The following ADGRL2 variants were observed in gnomAD, a reference collection of about 807,000 sequenced individuals.
ADGRL2 encodes the protein calcium-independent alpha-latrotoxin receptor 2.
ADGRL2 carries 44 observed loss-of-function variants against 157.4 expected under a neutral mutation model. The observed-to-expected ratio is 0.28, with a 90% CI of 0.22 to 0.36. ADGRL2 has a LOEUF of 0.36. Ranked by LOEUF, ADGRL2 falls within the 10% of genes least tolerant of loss-of-function variation. ADGRL2 has a pLI of 1.00. For missense variants in ADGRL2, 1,510 were observed against 1,768.9 expected, an observed-to-expected ratio of 0.85 and a Z score of 2.63; for synonymous variants, 585 against 624.7, an observed-to-expected ratio of 0.94 and a Z score of 0.95.
intron 1 of ADGRL2, among the ~76,000 whole-genome samples, chr1:81,318,129 C>T (rs1246609698): frequency 2.0e-5 from 3 of 152,144 alleles, no homozygotes; most frequent in African/African-American, 7.2e-5. Flanking sequence ...AATAAAATCA[C>T]TGTCATTTCT....
chr1:81,828,057 C>T (rs767061759), intron 1 of ADGRL2, among the ~76,000 whole-genome samples: 2 of 152,136 alleles, frequency 1.3e-5, no homozygotes, highest in African/African-American at 2.4e-5. Flanking sequence ...TTATCTTGGT[C>T]TTAGGATTGT....
intron 2 of ADGRL2, among the ~76,000 whole-genome samples, chr1:81,785,599 G>A (rs753675594): frequency 4.5e-4 from 68 of 151,878 alleles, no homozygotes; most frequent in African/African-American, 1.2e-4. Flanking sequence ...ATGATGGTGC[G>A]CACCTGTAGT....
At chr1:81,367,808 TC>T (rs1239360507) in intron 1 of ADGRL2, among the ~76,000 whole-genome samples, 1 of 152,134 alleles carries the variant, frequency 6.6e-6, no homozygotes, top group Admixed American at 6.5e-5. Context: ...CACCTTGGCC[TC>T]CCAAAGTGCT....
intron 1 of ADGRL2, among the ~76,000 whole-genome samples, chr1:81,368,879 C>A (rs1426547849): frequency 2.0e-5 from 3 of 152,130 alleles, no homozygotes; most frequent in Non-Finnish European, 4.4e-5. Flanking sequence ...TGAGCTAGCT[C>A]TTATTTGTCA....
intron 2 of ADGRL2, among the ~76,000 whole-genome samples, chr1:81,782,918 GGGAAGGGAT>G (rs2086877060): frequency 6.6e-6 from 1 of 152,188 alleles, no homozygotes; most frequent in Admixed American, 6.5e-5. Context: ...GATCAGAGTA[GGGAAGGGAT>G]GGAAGGACAA....
chr1:81,337,143 C>T (rs2100736884), intron 1 of ADGRL2, among the ~76,000 whole-genome samples: 1 of 152,308 alleles, frequency 6.6e-6, no homozygotes, highest in African/African-American at 2.4e-5. Context: ...CATCCCTTCC[C>T]ACCTTCCAAC....
rs1022282153 is a variant in ADGRL2 at position 81,546,860 on chromosome 1, A to T, written c.-247-34016A>T. On this transcript the variant is annotated intron_variant, in intron 2 of 24. Coordinates refer to the ADGRL2 transcript ENST00000370721. ...TCCTCCCGGCCTGGTCTTCTCCCAGAGGTGGTCATCTCAGGAGGGACTTGT... is the reference window on the plus strand; with the variant it reads ...TCCTCCCGGCCTGGTCTTCTCCCAGTGGTGGTCATCTCAGGAGGGACTTGT... 2.0e-5 allele frequency among the ~76,000 whole-genome samples: 3 copies of T among 152,142 alleles called. No individual in the cohort carries two copies. In the South Asian group the frequency reaches 6.2e-4, roughly 31 times the overall value.
At chr1:81,935,887 C>T (rs2095303994) in intron 3 of ADGRL2, among the ~76,000 whole-genome samples, 1 of 151,758 alleles carries the variant, frequency 6.6e-6, no homozygotes, top group South Asian at 2.1e-4. Flanking sequence ...TGGTGAATTA[C>T]TGACATTGCA....
chr1:81,543,185 A>T (rs2079929592), intron 2 of ADGRL2, among the ~76,000 whole-genome samples: 1 of 151,942 alleles, frequency 6.6e-6, no homozygotes, highest in Non-Finnish European at 1.5e-5. Context: ...CCCAAAATTC[A>T]TATGTTAGAC....
At chr1:81,460,919 T>C (rs2077913153) in intron 2 of ADGRL2, among the ~76,000 whole-genome samples, 1 of 152,238 alleles carries the variant, frequency 6.6e-6, no homozygotes, top group African/African-American at 2.4e-5. Context: ...GTACATTTTA[T>C]ATTTGTTTAA....
At chr1:81,919,182 T>A (rs1391886436) in intron 3 of ADGRL2, among the ~76,000 whole-genome samples, 1 of 152,102 alleles carries the variant, frequency 6.6e-6, no homozygotes, top group African/African-American at 2.4e-5. Flanking sequence ...GATTAAAAAT[T>A]AAACAAATTC....
chr1:81,427,688 A>T (rs1314460948), intron 1 of ADGRL2: 1 of 467,694 alleles, frequency 2.1e-6, no homozygotes, highest in East Asian at 3.6e-5. Context: ...TTACTTTGAG[A>T]CAGTCATCCC....
intron 2 of ADGRL2, among the ~76,000 whole-genome samples, chr1:81,507,709 G>T (rs2079003465): frequency 6.6e-6 from 1 of 152,166 alleles, no homozygotes; most frequent in African/African-American, 2.4e-5. Flanking sequence ...TTCAATTCTT[G>T]ATTTCATTGA....
At chr1:81,928,557 A>C (rs991511950) in intron 3 of ADGRL2, among the ~76,000 whole-genome samples, 6 of 152,006 alleles carry the variant, frequency 3.9e-5, no homozygotes. Flanking sequence ...AGTAGTTTCT[A>C]AATTTTTAAA....
rs552403416 is a variant in ADGRL2 at position 81,923,355 on chromosome 1, A to G, written c.288-13373A>G. Among the ~76,000 whole-genome samples the G allele has an allele frequency of 5.9e-5, 9 of 152,288 alleles. No homozygotes were observed. In the South Asian group the frequency reaches 1.7e-3, roughly 28 times the overall value. On this transcript the variant is annotated intron_variant, in intron 3 of 23. Transcript: ENST00000686636. ...GAAGTAAGCCAGTGAAATTTGTCAT[A>G]TATTTATCAGTCAGGTGAGACTCCA...
intron 20 of ADGRL2, 45 bp downstream of exon 20, chr1:81,984,756 A>G (rs1195415244): frequency 6.2e-7 from 1 of 1,601,910 alleles, no homozygotes; most frequent in South Asian, 1.1e-5. Context: ...TTATTTATAG[A>G]AAACCTACTG....
chr1:81,650,055 T>A (rs1173958117), intron 3 of ADGRL2, among the ~76,000 whole-genome samples: 2 of 143,388 alleles, frequency 1.4e-5, no homozygotes, highest in East Asian at 2.1e-4. Flanking sequence ...CACCTATTCT[T>A]AAAAAAAAAA....
At chr1:81,722,176 C>A in intron 1 of ADGRL2, 2 of 365,622 alleles carry the variant, frequency 5.5e-6, no homozygotes, top group Non-Finnish European at 5.2e-6. Flanking sequence ...GCCTGTAGTC[C>A]CAGCTGCTCG....
chr1:81,808,889 C>T (rs533676499), intron 1 of ADGRL2, among the ~76,000 whole-genome samples: 32 of 152,080 alleles, frequency 2.1e-4, no homozygotes, highest in Non-Finnish European at 4.3e-4. Flanking sequence ...TCAAAGCCAC[C>T]GGCTGTTTTT....
Sources: allele counts gnomAD v4.1 joint callset (sites outside exome capture counted in the v4.1 genomes callset), GRCh38; gene constraint gnomAD v4.1.1; transcripts MANE v1.5; gene names NCBI Gene and HGNC (gene_info 2026-07-23, HGNC 2026-07-21).